The following LRP1B variants were observed in gnomAD, a reference collection of about 807,000 sequenced individuals.
LRP1B encodes the protein LDL receptor related protein 1B, also known as low-density lipoprotein receptor-related protein 1B.
Under a neutral mutation model 556.6 loss-of-function variants are expected in LRP1B, and 217 were observed. The ratio of observed to expected loss-of-function variants is 0.39; its 90% CI spans 0.35 to 0.44. The LOEUF is 0.44. Ranked by LOEUF, LRP1B falls within the 20% of genes least tolerant of loss-of-function variation. The pLI, the probability that LRP1B is intolerant of heterozygous loss-of-function variation, is 1.00. For missense variants in LRP1B, 5,053 were observed against 5,620.8 expected (o/e 0.90, Z 3.23); for synonymous variants, 2,047 against 1,865.8 (o/e 1.10, Z -2.50).
chr2:141,676,269 C>A (rs1690874098), intron 2 of LRP1B, among the ~76,000 whole-genome samples: 1 of 151,958 alleles, frequency 6.6e-6, no homozygotes, highest in African/African-American at 2.4e-5. Context: ...CAAGCAGTGA[C>A]CATTACGTAG....
At chr2:141,407,966 A>G (rs1690701922) in intron 3 of LRP1B, among the ~76,000 whole-genome samples, 1 of 152,156 alleles carries the variant, frequency 6.6e-6, no homozygotes, top group South Asian at 2.1e-4. Flanking sequence ...ATGGCAGAAT[A>G]TAACATCCAT....
At chr2:142,019,573 C>A (rs6723959) in intron 1 of LRP1B, among the ~76,000 whole-genome samples, 1 of 151,930 alleles carries the variant, frequency 6.6e-6, no homozygotes, top group Non-Finnish European at 1.5e-5. Context: ...TTCTATCCTT[C>A]CCCATTGCAG....
At chr2:141,187,775 GA>G (rs1681322265) in intron 7 of LRP1B, among the ~76,000 whole-genome samples, 1 of 151,720 alleles carries the variant, frequency 6.6e-6, no homozygotes, top group African/African-American at 2.4e-5. Flanking sequence ...AAAGATTAAT[GA>G]GTCTATTAGC....
intron 10 of LRP1B, among the ~76,000 whole-genome samples, chr2:141,054,883 A>G (rs1030965233): frequency 2.6e-5 from 4 of 151,964 alleles, no homozygotes; most frequent in African/African-American, 7.2e-5. Flanking sequence ...CTTCCTCAAC[A>G]TATGTTTCCC....
chr2:140,795,780 G>T (rs193292494), intron 32 of LRP1B, among the ~76,000 whole-genome samples: 1 of 152,008 alleles, frequency 6.6e-6, no homozygotes, highest in Non-Finnish European at 1.5e-5. Context: ...AATTAAACTC[G>T]CCAGATGAGG....
intron 66 of LRP1B, among the ~76,000 whole-genome samples, chr2:140,393,146 A>AT (rs5834743): frequency 0.14 from 19,731 of 146,118 alleles, 1,345 homozygotes; most frequent in African/African-American, 0.18. Flanking sequence ...CCCATTCTAC[A>AT]TTTTTTTTTT....
intron 2 of LRP1B, among the ~76,000 whole-genome samples, chr2:141,544,840 A>G (rs1262748852): frequency 6.6e-6 from 1 of 151,198 alleles, no homozygotes; most frequent in African/African-American, 2.4e-5. Context: ...TAATTTTTGT[A>G]TTTTTGGTAG....
chr2:141,966,354 G>T (rs1193194793), intron 1 of LRP1B, among the ~76,000 whole-genome samples: 1 of 151,780 alleles, frequency 6.6e-6, no homozygotes, highest in Admixed American at 6.6e-5. Flanking sequence ...ATGGAAAAGG[G>T]GGTTCTCCTC....
chr2:141,528,304 T>C (rs1262479185), intron 2 of LRP1B, among the ~76,000 whole-genome samples: 8 of 151,990 alleles, frequency 5.3e-5, no homozygotes, highest in Non-Finnish European at 1.0e-4. Context: ...GATAAATTCC[T>C]GATACGGTAA....
chr2:140,363,345 T>C (rs536321226), intron 72 of LRP1B, among the ~76,000 whole-genome samples: 20 of 151,696 alleles, frequency 1.3e-4, no homozygotes, highest in African/African-American at 4.6e-4. Flanking sequence ...GGAATGCTCC[T>C]GAGAATCAGT....
intron 18 of LRP1B, among the ~76,000 whole-genome samples, chr2:140,952,642 A>G (rs2105304175): frequency 6.6e-6 from 1 of 152,316 alleles, no homozygotes; most frequent in Non-Finnish European, 1.5e-5. Context: ...AAGGCATATA[A>G]TTAGCATAGA....
In LRP1B at chr2:142,051,791, T is replaced by C. The variant is rs148723001; in HGVS notation, c.82+78857A>G. On this transcript the variant is annotated intron_variant, in intron 1 of 90. Coordinates refer to ENST00000389484, the MANE Select transcript of LRP1B (RefSeq NM_018557.3). ...TGTTATACTTTGGAATTCCCCACCA[T>C]ATAGTTCTCAAAAATGCACGCTGGA... is the stretch of plus-strand genomic sequence containing the variant. Among the ~76,000 whole-genome samples the C allele has an allele frequency of 4.2e-3, 633 of 152,170 alleles. 5 individuals are homozygous for C. Among genetic ancestry groups the C allele is most frequent in the African/African-American group, 0.015 (603 of 41,538 alleles).
At chr2:140,987,441 C>T (rs570260108) in intron 17 of LRP1B, among the ~76,000 whole-genome samples, 43 of 152,234 alleles carry the variant, frequency 2.8e-4, no homozygotes, top group African/African-American at 9.1e-4. Flanking sequence ...CACCAACTAA[C>T]AATTAAAACT....
At chr2:140,989,987 C>T (rs1264995533) in intron 16 of LRP1B, among the ~76,000 whole-genome samples, 1 of 152,050 alleles carries the variant, frequency 6.6e-6, no homozygotes, top group Non-Finnish European at 1.5e-5. Context: ...GGGTGGATCA[C>T]CTGGGGTCAG....
At chr2:140,387,851 G>T (rs1314969037) in intron 66 of LRP1B, among the ~76,000 whole-genome samples, 1 of 151,696 alleles carries the variant, frequency 6.6e-6, no homozygotes, top group African/African-American at 2.4e-5. Context: ...TATTTTATTT[G>T]CCAGTTATAA....
In LRP1B at chr2:141,698,321, G is replaced by A. The variant is rs527955899; in HGVS notation, c.205+111958C>T. Among the ~76,000 whole-genome samples the A allele has an allele frequency of 8.2e-4, 125 of 151,698 alleles. 5 individuals are homozygous for A. The South Asian group carries it at 0.022, about 27-fold the overall frequency. ...AGAAAGTTTAGACAATTATACAGAG[G>A]ATAACAATAAAGAATGGTGAGTGCT... is the stretch of plus-strand genomic sequence containing the variant. On this transcript the variant is annotated intron_variant, in intron 2 of 90. Coordinates refer to ENST00000389484, the MANE Select transcript of LRP1B (RefSeq NM_018557.3).
At chr2:140,969,679 T>C (rs1696348757) in intron 18 of LRP1B, among the ~76,000 whole-genome samples, 1 of 152,176 alleles carries the variant, frequency 6.6e-6, no homozygotes, top group Non-Finnish European at 1.5e-5. Flanking sequence ...TTCTGTTCCA[T>C]GTTTAGTGCT....
chr2:140,874,989 C>A (rs1573829884), intron 25 of LRP1B, among the ~76,000 whole-genome samples: 2 of 150,908 alleles, frequency 1.3e-5, no homozygotes, highest in African/African-American at 2.4e-5. Flanking sequence ...TTGCCCTATA[C>A]CCTGTGCAAC....
At chr2:140,498,089 T>A (rs72899884) in intron 55 of LRP1B, among the ~76,000 whole-genome samples, 4,458 of 151,978 alleles carry the variant, frequency 0.029, 70 homozygotes, top group Middle Eastern at 0.072. Flanking sequence ...AATAATCTTT[T>A]GCATTTTCAA....
Sources: allele counts gnomAD v4.1 joint callset (sites outside exome capture counted in the v4.1 genomes callset), GRCh38; gene constraint gnomAD v4.1.1; transcripts MANE v1.5; gene names NCBI Gene and HGNC (gene_info 2026-07-23, HGNC 2026-07-21).